TCL1A: variants seen among roughly 807,000 people sequenced by gnomAD.
TCL1A encodes TCL1 family AKT coactivator A, also known as T-cell leukemia/lymphoma protein 1A.
A neutral mutation model predicts 16.9 loss-of-function variants in TCL1A; 9 were observed. The ratio of observed to expected loss-of-function variants is 0.53; its 90% CI spans 0.32 to 0.93. The LOEUF (loss-of-function observed/expected upper bound fraction) is 0.93. Among genes scored for constraint, TCL1A ranks in the 40% least tolerant of loss-of-function variants. TCL1A has a pLI of 0.04. For synonymous variants in TCL1A, 69 were observed against 63.2 expected (o/e 1.09, Z -0.44); for missense variants, 139 against 153.0 (o/e 0.91, Z 0.48).
rs139963283 is a variant in TCL1A at position 95,711,770 on chromosome 14, C to T, written c.330G>A (p.Leu110=). The T allele has an allele frequency of 1.4e-5, 23 of 1,612,846 alleles. No homozygotes were observed. The African/African-American group carries it at 1.7e-4, about 12-fold the overall frequency. ...TCACCATACATCAGTCATCTGGCAG[C>T]AGCTCGAGAAGCATGTCCTCCACGC... ...IDGVEDMLLE[L]LPDD The change falls in exon 3 of 4, where the codon CTG becomes CTA. Residue 110 remains leucine, a synonymous_variant. Transcript: ENST00000402399.
intron 1 of TCL1A, chr14:95,712,817 A>G (rs1206941020): frequency 3.3e-6 from 2 of 610,560 alleles, no homozygotes; most frequent in Admixed American, 3.0e-5. Context: ...AAGAGAGAAA[A>G]AGAATACTGG....
At chr14:95,712,431 G>C (rs1273728636) in intron 1 of TCL1A, 35 bp from the exon 2 acceptor site, 12 of 1,560,420 alleles carry the variant, frequency 7.7e-6, no homozygotes, top group Non-Finnish European at 1.0e-5. Flanking sequence ...ATACTTTCAG[G>C]TTCCGCTTGC....
At position 95,711,794 on chromosome 14, in the gene TCL1A, G is replaced by T. The variant is rs751750592; in HGVS notation, c.306C>A (p.Gly102=). The change falls in exon 3 of 4, where the codon GGC becomes GGA. Residue 102 remains glycine (G), a synonymous_variant. Coordinates refer to ENST00000402399, the MANE Select transcript of TCL1A (RefSeq NM_021966.3). ...GCAGCTCGAGAAGCATGTCCTCCAC[G>T]CCGTCAATCTGAGAGGCAGAGAGAG... ...WRLVYHIKID[G]VEDMLLELLP... The T allele has an allele frequency of 6.2e-7, 1 of 1,611,554 alleles. No homozygotes were observed. The highest frequency in any genetic ancestry group is 1.1e-5 in the South Asian group (1 of 90,914).
intron 1 of TCL1A, among the ~76,000 whole-genome samples, 155 bp downstream of exon 1, chr14:95,713,792 T>A: frequency 6.6e-6 from 1 of 152,334 alleles, no homozygotes; most frequent in East Asian, 1.9e-4. Context: ...AGAACTCCTA[T>A]TCATCCTCCA....
At chr14:95,713,583 T>C (rs765269462) in intron 1 of TCL1A, among the ~76,000 whole-genome samples, 2 of 152,274 alleles carry the variant, frequency 1.3e-5, no homozygotes, top group African/African-American at 2.4e-5. Flanking sequence ...AAATACAGAT[T>C]TCTGGGACCC....
chr14:95,714,100 G>C lies in TCL1A; in HGVS notation c.-34C>G. 3.1e-6 allele frequency: 5 copies of C among 1,611,068 alleles called. No individual in the cohort carries two copies. Among genetic ancestry groups the C allele is most frequent in the South Asian group, 2.2e-5 (2 of 91,002 alleles). On this transcript the variant is annotated 5_prime_UTR_variant, in exon 1 of 4. Coordinates refer to ENST00000402399, the MANE Select transcript of TCL1A (RefSeq NM_021966.3). ...CGGGCCGCCTAAGAAGCAAGAGCCA[G>C]AGCCTCTCAAGGCCGCTCGCTGGTC...
intron 1 of TCL1A, among the ~76,000 whole-genome samples, chr14:95,713,417 A>C (rs565918044): frequency 6.6e-6 from 1 of 152,356 alleles, no homozygotes; most frequent in African/African-American, 2.4e-5. Flanking sequence ...ACACATTAAA[A>C]AAGTCAATAT....
At chr14:95,713,438 C>CTA (rs1886434563) in intron 1 of TCL1A, among the ~76,000 whole-genome samples, 1 of 152,130 alleles carries the variant, frequency 6.6e-6, no homozygotes, top group Non-Finnish European at 1.5e-5. Flanking sequence ...TGATTCAATA[C>CTA]CGGCGCTTAT....
In TCL1A at chr14:95,711,745, T is replaced by C. The variant is rs1459713781; in HGVS notation, c.*6+4A>G. On this transcript the variant is annotated splice_donor_region_variant and intron_variant, in intron 3 of 3. Coordinates refer to ENST00000402399, the MANE Select transcript of TCL1A (RefSeq NM_021966.3). ...AAGAGGGGTCAGGCTCCAGTGGAGCTCACCATACATCAGTCATCTGGCAGC... is the reference window on the plus strand; with the variant it reads ...AAGAGGGGTCAGGCTCCAGTGGAGCCCACCATACATCAGTCATCTGGCAGC... 1 of 1,613,124 alleles carries C rather than the reference T, an allele frequency of 6.2e-7. No individual in the cohort carries two copies.
intron 1 of TCL1A, 33 bp downstream of exon 1, chr14:95,713,914 C>G (rs1595068103): frequency 6.2e-7 from 1 of 1,610,100 alleles, no homozygotes; most frequent in East Asian, 2.2e-5. Context: ...GCTGCCCCTG[C>G]TGCCTCGCCA....
intron 3 of TCL1A, among the ~76,000 whole-genome samples, chr14:95,711,239 C>T (rs1886339797): frequency 1.4e-5 from 2 of 147,222 alleles, no homozygotes; most frequent in African/African-American, 5.1e-5. Flanking sequence ...GCGGGCAGAT[C>T]ATGAGGTCAG....
rs566145285 is a variant in TCL1A, at chr14:95,710,815, C to G, written c.*73G>C. On this transcript the variant is annotated 3_prime_UTR_variant, in exon 4 of 4. Transcript: ENST00000402399. ...TAGTAAACGAAGGTGAACAGAAACA[C>G]AACATCCCCATTGTAGGCTGGCCAG... 6.5e-6 allele frequency: 1 copy of G among 153,050 alleles called. No individual in the cohort carries two copies. Among genetic ancestry groups the G allele is most frequent in the African/African-American group, 2.4e-5 (1 of 41,584 alleles). 9.5% of individuals were successfully genotyped at this position (153,050 alleles called of 1,614,324 possible). A position where few individuals can be genotyped will look rare whatever the true frequency, so the allele number is the denominator to read the frequency against.
rs1208962573 is a variant in TCL1A, at chr14:95,713,926, C to A, written c.120+21G>T. ...GGGGCTGCCCCTGCTGCCTCGCCAT[C>A]CGCTCCAAAGCTGGCTGTACCTCGA... On this transcript the variant is annotated intron_variant, in intron 1 of 3. Transcript: ENST00000402399. 3 of 1,612,202 alleles carry A rather than the reference C, an allele frequency of 1.9e-6. No homozygotes were observed. In the South Asian group the frequency reaches 3.3e-5, roughly 18 times the overall value.
chr14:95,713,451 TACG>T (rs1482070860), intron 1 of TCL1A, among the ~76,000 whole-genome samples: 11 of 152,360 alleles, frequency 7.2e-5, no homozygotes, highest in African/African-American at 2.6e-4. Context: ...GCGCTTATAC[TACG>T]ACATCACTTG....
At chr14:95,713,864 T>C in intron 1 of TCL1A, 83 bp downstream of exon 1, 1 of 1,578,082 alleles carries the variant, frequency 6.3e-7, no homozygotes, top group Non-Finnish European at 8.6e-7. Flanking sequence ...GAGTGCTCCT[T>C]GAGTCCTCGC....
intron 1 of TCL1A, chr14:95,712,686 A>T: frequency 7.3e-7 from 1 of 1,375,134 alleles, no homozygotes; most frequent in Middle Eastern, 1.9e-4. Context: ...TCACACTTGT[A>T]ATTCCAGTGC....
chr14:95,713,153 C>T (rs1323070815), intron 1 of TCL1A, among the ~76,000 whole-genome samples: 2 of 152,202 alleles, frequency 1.3e-5, no homozygotes, highest in Non-Finnish European at 2.9e-5. Flanking sequence ...AATCTTACCT[C>T]GGACAAATGT....
chr14:95,711,250 G>A (rs1269842170), intron 3 of TCL1A, among the ~76,000 whole-genome samples: 1 of 149,288 alleles, frequency 6.7e-6, no homozygotes, highest in Admixed American at 6.7e-5. Context: ...ATGAGGTCAG[G>A]AGATCGAGAC....
At chr14:95,713,267 T>A (rs930603628) in intron 1 of TCL1A, among the ~76,000 whole-genome samples, 2 of 152,352 alleles carry the variant, frequency 1.3e-5, no homozygotes, top group African/African-American at 2.4e-5. Context: ...TTAATTTTTA[T>A]GCTTTCTTCA....
Sources: gnomAD v4.1 joint callset for allele counts (sites outside exome capture counted in the v4.1 genomes callset) on GRCh38, gnomAD v4.1.1 for gene constraint, MANE v1.5 for transcripts, NCBI Gene and HGNC (gene_info 2026-07-23, HGNC 2026-07-21) for gene names.